The following CASK variants were observed in gnomAD, a reference collection of about 807,000 sequenced individuals.
CASK encodes calcium/calmodulin dependent serine protein kinase, also known as peripheral plasma membrane protein CASK.
CASK carries 4 observed loss-of-function variants against 82.9 expected under a neutral mutation model. The observed-to-expected ratio is 0.05, with a 90% confidence interval of 0.02 to 0.11. The LOEUF (loss-of-function observed/expected upper bound fraction) is 0.11, where lower values mean the gene tolerates loss of function less well. Ranked by LOEUF, CASK falls within the 10% of genes least tolerant of loss-of-function variation. The probability of loss-of-function intolerance (pLI) is 1.00; values close to 1 mark genes in which losing one functional copy is unlikely to be tolerated. For synonymous variants in CASK, 259 were observed against 253.5 expected (o/e 1.02, Z -0.20); for missense variants, 358 against 720.9 (o/e 0.50, Z 5.76).
At chrX:41,769,958 A>G (rs183167223) in intron 3 of CASK, among the ~76,000 whole-genome samples, 2 of 111,125 alleles carry the variant, frequency 1.8e-5, no homozygotes, top group Admixed American at 1.9e-4. Context: ...AACAACAACA[A>G]CAACAACAAA....
At chrX:41,787,781 A>G (rs2069642288) in intron 2 of CASK, among the ~76,000 whole-genome samples, 1 of 111,680 alleles carries the variant, frequency 9.0e-6, no homozygotes. Context: ...TATACGGAAT[A>G]GGGAACAAAA....
At chrX:41,887,753 C>G (rs1310154132) in intron 1 of CASK, among the ~76,000 whole-genome samples, 1 of 110,493 alleles carries the variant, frequency 9.1e-6, no homozygotes, top group African/African-American at 3.3e-5. Context: ...TCTGAAGGCA[C>G]CACCAATAAA....
chrX:41,702,483 T>C (rs1250542717), intron 5 of CASK, among the ~76,000 whole-genome samples: 1 of 109,192 alleles, frequency 9.2e-6, no homozygotes, highest in Non-Finnish European at 1.9e-5. Flanking sequence ...CCACTCATCA[T>C]AATTGTGTGA....
At chrX:41,614,710 G>A (rs1196564512) in intron 11 of CASK, among the ~76,000 whole-genome samples, 4 of 111,391 alleles carry the variant, frequency 3.6e-5, no homozygotes, top group Non-Finnish European at 3.8e-5. Context: ...TAGTAGAGAC[G>A]GGGTTTCACC....
At chrX:41,690,500 C>T (rs1405314176) in intron 5 of CASK, among the ~76,000 whole-genome samples, 1 of 107,340 alleles carries the variant, frequency 9.3e-6, no homozygotes, top group Non-Finnish European at 1.9e-5. Flanking sequence ...GTGCGTGCCA[C>T]CACGCCCTGC....
intron 18 of CASK, 56 bp downstream of exon 18, chrX:41,559,723 G>T: frequency 1.9e-6 from 2 of 1,034,782 alleles, no homozygotes; most frequent in Non-Finnish European, 2.7e-6. Flanking sequence ...ACAGCCATCA[G>T]CAGACAGTTA....
chrX:41,808,013 GC>G (rs1365880539), intron 2 of CASK, among the ~76,000 whole-genome samples: 2 of 111,093 alleles, frequency 1.8e-5, no homozygotes, highest in African/African-American at 6.6e-5. Flanking sequence ...CTGCCACCAT[GC>G]CCAGTTAATT....
chrX:41,541,273 C>T (rs1439704715), intron 22 of CASK, among the ~76,000 whole-genome samples: 2 of 111,864 alleles, frequency 1.8e-5, no homozygotes, highest in Non-Finnish European at 3.8e-5. Flanking sequence ...GTTGCCCAGG[C>T]TGGCCTCGAA....
At chrX:41,836,799 G>A (rs1290742368) in intron 2 of CASK, among the ~76,000 whole-genome samples, 1 of 111,836 alleles carries the variant, frequency 8.9e-6, no homozygotes, top group African/African-American at 3.2e-5. Context: ...TCAAGCAAAT[G>A]ATGACACTAA....
In CASK at chrX:41,753,087, CAT is replaced by C. The variant is rs764027434; in HGVS notation, c.279-7488_279-7487del. ...TATTGCCATTAAATGATGTTATAGA[CAT>C]ATATTTATTGACATAGATGTTCATA... On this transcript the variant is annotated intron_variant, in intron 3 of 26. Coordinates refer to ENST00000378163, the MANE Select transcript of CASK (RefSeq NM_001367721.1). 7.2e-5 allele frequency among the ~76,000 whole-genome samples: 8 copies of C among 111,663 alleles called. No homozygotes were observed. The South Asian group carries it at 3.0e-3, about 41-fold the overall frequency.
chrX:41,631,403 G>T (rs1185538694), intron 9 of CASK, among the ~76,000 whole-genome samples: 1 of 111,310 alleles, frequency 9.0e-6, no homozygotes, highest in African/African-American at 3.3e-5. Context: ...GACCAGCCTG[G>T]GCAACAGAGT....
At chrX:41,592,044 A>G (rs2065753180) in intron 12 of CASK, among the ~76,000 whole-genome samples, 1 of 109,702 alleles carries the variant, frequency 9.1e-6, no homozygotes, top group Non-Finnish European at 1.9e-5. Flanking sequence ...TGAGCCCAGG[A>G]GTTGGAGAAC....
Position 41,524,043 on chromosome X carries a change from A to AT in CASK, c.2521-10_2521-9insA, listed in dbSNP as rs2147067927. On this transcript the variant is annotated splice_polypyrimidine_tract_variant and intron_variant, in intron 25 of 26. Coordinates refer to ENST00000378163, the MANE Select transcript of CASK (RefSeq NM_001367721.1). The stretch of plus-strand genomic sequence containing the variant: ...CTCAGGACCTTCAGTGCCTGTGTTA[A>AT]GAAAAAAAAAAAAAATCCCGACTTA... 4 of 1,084,608 alleles carry AT rather than the reference A, an allele frequency of 3.7e-6. No homozygotes were observed. Among genetic ancestry groups the AT allele is most frequent in the Non-Finnish European group, 5.0e-6 (4 of 796,255 alleles). The allele number at this position is 1,084,608 out of a possible 1,213,427, so 89.4% of individuals were successfully genotyped here. A position where few individuals can be genotyped will look rare whatever the true frequency, so the allele number is the denominator to read the frequency against.
chrX:41,660,377 C>T (rs1242545175), intron 8 of CASK, 62 bp downstream of exon 8: 10 of 960,239 alleles, frequency 1.0e-5, no homozygotes. Flanking sequence ...TAGAGCAACG[C>T]ATTCCTGTCA....
At chrX:41,807,979 C>G in intron 2 of CASK, among the ~76,000 whole-genome samples, 1 of 111,503 alleles carries the variant, frequency 9.0e-6, no homozygotes. Context: ...CCTCAGCCTC[C>G]CAAGTAGCTG....
intron 1 of CASK, among the ~76,000 whole-genome samples, chrX:41,868,998 C>T (rs1433114062): frequency 8.9e-6 from 1 of 111,854 alleles, no homozygotes; most frequent in Non-Finnish European, 1.9e-5. Context: ...CACTAGCCTT[C>T]CTACTGAAAA....
chrX:41,639,439 TAA>T (rs34791433), intron 8 of CASK, among the ~76,000 whole-genome samples: 2 of 93,173 alleles, frequency 2.1e-5, no homozygotes, highest in African/African-American at 3.9e-5. Flanking sequence ...GATGAGGGTT[TAA>T]AAAAAAAAAA....
intron 14 of CASK, among the ~76,000 whole-genome samples, chrX:41,581,184 G>A (rs1227246027): frequency 9.0e-6 from 1 of 110,915 alleles, no homozygotes; most frequent in Non-Finnish European, 1.9e-5. Flanking sequence ...TTCAAGACCA[G>A]TCTGGGCAAC....
At chrX:41,817,805 T>C (rs1269563995) in intron 2 of CASK, among the ~76,000 whole-genome samples, 1 of 111,052 alleles carries the variant, frequency 9.0e-6, no homozygotes. Context: ...ATATATGAAA[T>C]ACAGAGAAAA....
Sources: allele counts gnomAD v4.1 joint callset (sites outside exome capture counted in the v4.1 genomes callset), GRCh38; gene constraint gnomAD v4.1.1; transcripts MANE v1.5; gene names NCBI Gene and HGNC (gene_info 2026-07-23, HGNC 2026-07-21).